PALS1: variants seen among roughly 807,000 people sequenced by gnomAD.
The protein encoded by PALS1 is protein associated with LIN7 1, MAGUK p55 family member, also known as protein PALS1.
PALS1 carries 31 observed loss-of-function variants against 78.9 expected under a neutral mutation model. That is an observed-to-expected ratio of 0.39 (90% CI 0.30 to 0.53). The LOEUF (loss-of-function observed/expected upper bound fraction) is 0.53. Among genes scored for constraint, PALS1 ranks in the 20% least tolerant of loss-of-function variants. PALS1 has a pLI of 0.67. For missense variants in PALS1, 704 were observed against 826.5 expected, an observed-to-expected ratio of 0.85 and a Z score of 1.82; for synonymous variants, 276 against 270.9, an observed-to-expected ratio of 1.02 and a Z score of -0.18.
At chr14:67,261,333 A>G (rs2084233525) in intron 1 of PALS1, among the ~76,000 whole-genome samples, 1 of 152,142 alleles carries the variant, frequency 6.6e-6, no homozygotes, top group Admixed American at 6.5e-5. Flanking sequence ...GCAAGAGATA[A>G]TGTATATTAT....
At chr14:67,324,287 GGTA>G (rs2085313837) in intron 14 of PALS1, among the ~76,000 whole-genome samples, 1 of 152,098 alleles carries the variant, frequency 6.6e-6, no homozygotes, top group Non-Finnish European at 1.5e-5. Flanking sequence ...ATATGGTTGA[GGTA>G]GTCCATGTCA....
intron 3 of PALS1, among the ~76,000 whole-genome samples, chr14:67,286,381 C>G (rs910819422): frequency 6.6e-6 from 1 of 152,142 alleles, no homozygotes; most frequent in East Asian, 1.9e-4. Context: ...TTTGTTGTCT[C>G]TGTGTCTTCA....
At chr14:67,254,663 T>A (rs1019194617) in intron 1 of PALS1, among the ~76,000 whole-genome samples, 1 of 152,224 alleles carries the variant, frequency 6.6e-6, no homozygotes, top group Non-Finnish European at 1.5e-5. Context: ...TCCTTATTAG[T>A]TCTGATAACT....
intron 8 of PALS1, among the ~76,000 whole-genome samples, chr14:67,310,688 C>T (rs1228656292): frequency 1.3e-5 from 2 of 152,028 alleles, no homozygotes; most frequent in Non-Finnish European, 2.9e-5. Context: ...TATTTTTAAC[C>T]AGATCATTTT....
At chr14:67,248,413 G>A (rs1315813470) in intron 1 of PALS1, among the ~76,000 whole-genome samples, 1 of 152,032 alleles carries the variant, frequency 6.6e-6, no homozygotes, top group Non-Finnish European at 1.5e-5. Context: ...AATGAAGTCA[G>A]TAGAGTCAAG....
chr14:67,251,432 C>G (rs924228750), intron 1 of PALS1, among the ~76,000 whole-genome samples: 1 of 152,008 alleles, frequency 6.6e-6, no homozygotes, highest in Admixed American at 6.6e-5. Context: ...ACTCAGGAGG[C>G]TAAAGTGAGA....
At chr14:67,293,964 A>G (rs1595592206) in intron 4 of PALS1, among the ~76,000 whole-genome samples, 1 of 152,326 alleles carries the variant, frequency 6.6e-6, no homozygotes, top group Middle Eastern at 3.4e-3. Flanking sequence ...AAAGGTGGAA[A>G]GAAGGGAGAA....
chr14:67,290,281 T>A (rs913900759), intron 3 of PALS1, among the ~76,000 whole-genome samples: 3 of 152,248 alleles, frequency 2.0e-5, no homozygotes, highest in African/African-American at 7.2e-5. Flanking sequence ...GATCAGGTAC[T>A]TGTCATATTA....
At chr14:67,289,790 T>TG (rs2084746351) in intron 3 of PALS1, among the ~76,000 whole-genome samples, 1 of 116,528 alleles carries the variant, frequency 8.6e-6, no homozygotes, top group Non-Finnish European at 1.6e-5. Flanking sequence ...TTTTTTTTTT[T>TG]GAGACGGAGT....
chr14:67,253,066 C>T (rs1269793500), intron 1 of PALS1, among the ~76,000 whole-genome samples: 3 of 152,200 alleles, frequency 2.0e-5, no homozygotes, highest in Non-Finnish European at 2.9e-5. Context: ...CTATCACTGA[C>T]TTACAGTACT....
At chr14:67,253,556 G>T (rs192954605) in intron 1 of PALS1, among the ~76,000 whole-genome samples, 2 of 152,228 alleles carry the variant, frequency 1.3e-5, no homozygotes, top group East Asian at 1.9e-4. Flanking sequence ...TAAAAATGAC[G>T]TAGTTAGGCC....
intron 1 of PALS1, among the ~76,000 whole-genome samples, chr14:67,253,266 G>A (rs928326251): frequency 2.6e-5 from 4 of 152,160 alleles, no homozygotes; most frequent in African/African-American, 9.7e-5. Flanking sequence ...TACATATTAA[G>A]CACTCTTTCA....
chr14:67,280,311 A>AGAGC (rs1438212361), intron 3 of PALS1, among the ~76,000 whole-genome samples: 1 of 152,214 alleles, frequency 6.6e-6, no homozygotes, highest in Non-Finnish European at 1.5e-5. Context: ...GTGCTCACTG[A>AGAGC]ACTAGTGTTA....
Position 67,323,232 on chromosome 14 carries a change from CGTGTGTGTGTGT to C in PALS1, c.1741-451_1741-440del, listed in dbSNP as rs35018637. On this transcript the variant is annotated intron_variant, in intron 13 of 14. Coordinates refer to ENST00000261681, the MANE Select transcript of PALS1 (RefSeq NM_022474.4). ...ATATACATATATACACATATATACA[CGTGTGTGTGTGT>C]GTGTGTGTGTGTGTGTGTATATATA... 9.3e-4 allele frequency among the ~76,000 whole-genome samples: 134 copies of C among 143,592 alleles called. 1 individual carries two copies. The highest frequency in any genetic ancestry group is 4.7e-4 in the South Asian group (2 of 4,234). 94.2% of individuals were successfully genotyped at this position (143,592 alleles called of 152,430 possible).
intron 1 of PALS1, chr14:67,241,875 G>A (rs1432860337): frequency 6.6e-5 from 10 of 152,062 alleles, no homozygotes; most frequent in Admixed American, 6.5e-4. Flanking sequence ...CCCTCTCTCC[G>A]AGGTCGCGAC....
At chr14:67,330,253 T>C (rs942848569) in intron 14 of PALS1, among the ~76,000 whole-genome samples, 2 of 151,444 alleles carry the variant, frequency 1.3e-5, no homozygotes, top group African/African-American at 4.8e-5. Flanking sequence ...ATTTAATTCA[T>C]TTCTTTTTAT....
In PALS1 at chr14:67,333,706, C is replaced by CGTCT. The variant is rs1240486716; in HGVS notation, c.*751_*754dup. On this transcript the variant is annotated 3_prime_UTR_variant, in exon 15 of 15. Coordinates refer to ENST00000261681, the MANE Select transcript of PALS1 (RefSeq NM_022474.4). ...GATTTCCTGAATTTTTTTCTTAAGT[C>CGTCT]GTCTCAACTGATTTACTCACTTAGC... 6.6e-6 allele frequency: 1 copy of CGTCT among 152,298 alleles called. No homozygotes were observed. The highest frequency in any genetic ancestry group is 1.5e-5 in the Non-Finnish European group (1 of 68,010). The allele number at this position is 152,298 out of a possible 1,614,324, so 9.4% of individuals were successfully genotyped here.
chr14:67,249,112 G>A (rs1370346893), intron 1 of PALS1, among the ~76,000 whole-genome samples: 2 of 151,922 alleles, frequency 1.3e-5, no homozygotes, highest in Non-Finnish European at 2.9e-5. Context: ...ACAGGCACCC[G>A]CCATCATGCC....
intron 4 of PALS1, among the ~76,000 whole-genome samples, chr14:67,296,625 G>C (rs919987484): frequency 1.4e-5 from 2 of 140,204 alleles, no homozygotes; most frequent in Admixed American, 7.2e-5. Flanking sequence ...ATGGTGTCTA[G>C]ATCCTGAAGG....
Sources: allele counts gnomAD v4.1 joint callset (sites outside exome capture counted in the v4.1 genomes callset), GRCh38; gene constraint gnomAD v4.1.1; transcripts MANE v1.5; gene names NCBI Gene and HGNC (gene_info 2026-07-23, HGNC 2026-07-21).